Variants in PPP2CB observed in about 807,000 individuals in gnomAD.
The protein encoded by PPP2CB is serine/threonine-protein phosphatase 2A catalytic subunit beta isoform.
In PPP2CB, 18 loss-of-function variants were observed where a neutral mutation model predicts 39.1. The observed-to-expected ratio is 0.46, with a 90% CI of 0.32 to 0.68. PPP2CB has a LOEUF of 0.68. Ranked by LOEUF, PPP2CB falls within the 30% of genes least tolerant of loss-of-function variation. The pLI is 0.04. For synonymous variants in PPP2CB, 129 were observed against 133.8 expected (o/e 0.96, Z 0.25); for missense variants, 226 against 396.9 (o/e 0.57, Z 3.66).
chr8:30,790,977 G>T, intron 6 of PPP2CB: 2 of 418,132 alleles, frequency 4.8e-6, no homozygotes, highest in Non-Finnish European at 4.2e-6. Context: ...AGGTTTTCTT[G>T]AATTAACTGT....
chr8:30,812,469 C>A lies in PPP2CB; in HGVS notation c.-48G>T. On this transcript the variant is annotated 5_prime_UTR_variant, in exon 1 of 7. Coordinates refer to ENST00000221138, the MANE Select transcript of PPP2CB (RefSeq NM_001009552.2). ...TCCCGAGCCCCAGCCCGGCCGCCGCCCTCCCCCCTCCCCACCCGCCCCCGG... is the reference window on the plus strand; with the variant it reads ...TCCCGAGCCCCAGCCCGGCCGCCGCACTCCCCCCTCCCCACCCGCCCCCGG... The A allele has an allele frequency of 7.4e-7, 1 of 1,350,302 alleles. No homozygotes were observed. The highest frequency in any genetic ancestry group is 9.8e-7 in the Non-Finnish European group (1 of 1,016,278). The allele number at this position is 1,350,302 out of a possible 1,614,324, so 83.6% of individuals were successfully genotyped here. A position where few individuals can be genotyped will look rare whatever the true frequency, so the allele number is the denominator to read the frequency against.
intron 1 of PPP2CB, among the ~76,000 whole-genome samples, chr8:30,809,404 C>A (rs1222160363): frequency 6.6e-6 from 1 of 151,928 alleles, no homozygotes; most frequent in Non-Finnish European, 1.5e-5. Context: ...TAAAACGGAA[C>A]TAGAAACTAA....
intron 6 of PPP2CB, among the ~76,000 whole-genome samples, chr8:30,787,186 T>C (rs2128759901): frequency 6.6e-6 from 1 of 152,352 alleles, no homozygotes; most frequent in East Asian, 1.9e-4. Context: ...CTGGTACGTA[T>C]GTTGGAAAAT....
chr8:30,792,633 T>TTA (rs1487508156), intron 5 of PPP2CB, among the ~76,000 whole-genome samples: 5 of 150,718 alleles, frequency 3.3e-5, no homozygotes, highest in Non-Finnish European at 5.9e-5. Flanking sequence ...TTTTTTTTTT[T>TTA]TATATAGAGA....
At chr8:30,808,148 T>C (rs1416366865) in intron 1 of PPP2CB, among the ~76,000 whole-genome samples, 2 of 152,176 alleles carry the variant, frequency 1.3e-5, no homozygotes, top group Non-Finnish European at 2.9e-5. Context: ...TCGCCCAGGC[T>C]GGAATGCAGT....
At chr8:30,796,444 G>A (rs36037135) in intron 3 of PPP2CB, among the ~76,000 whole-genome samples, 1 of 152,076 alleles carries the variant, frequency 6.6e-6, no homozygotes, top group Non-Finnish European at 1.5e-5. Context: ...GCCGTGATAC[G>A]ATCTTGGCTC....
intron 6 of PPP2CB, among the ~76,000 whole-genome samples, chr8:30,787,307 T>C (rs913154517): frequency 6.6e-6 from 1 of 152,244 alleles, no homozygotes; most frequent in African/African-American, 2.4e-5. Context: ...CCTCCTCTTC[T>C]GTTTTTTGGA....
At chr8:30,791,010 T>G in intron 6 of PPP2CB, 187 bp downstream of exon 6, 1 of 511,428 alleles carries the variant, frequency 2.0e-6, no homozygotes, top group Non-Finnish European at 3.4e-6. Context: ...TGTATGCCCT[T>G]AGGACAATTT....
intron 6 of PPP2CB, among the ~76,000 whole-genome samples, chr8:30,789,693 TTCAG>T (rs1311871042): frequency 1.3e-5 from 2 of 151,766 alleles, no homozygotes; most frequent in Admixed American, 1.3e-4. Flanking sequence ...CTGAATGTCG[TTCAG>T]TCAATGATGA....
rs1806862090 is a variant in PPP2CB, at chr8:30,812,610, C to A, written c.-189G>T. ...CCGCGCCCCGCCCAAGCCCAGCAGG[C>A]GGCTCCGAGCGCGCAGCCTGGAGGA... On this transcript the variant is annotated 5_prime_UTR_variant, in exon 1 of 7. Transcript: ENST00000221138. 5.9e-6 allele frequency: 2 copies of A among 340,594 alleles called. No homozygotes were observed. The highest frequency in any genetic ancestry group is 1.7e-4 in the South Asian group (2 of 12,100). 21.1% of individuals were successfully genotyped at this position (340,594 alleles called of 1,614,324 possible).
At chr8:30,802,383 T>G (rs1408026181) in intron 1 of PPP2CB, among the ~76,000 whole-genome samples, 1 of 152,070 alleles carries the variant, frequency 6.6e-6, no homozygotes, top group South Asian at 2.1e-4. Flanking sequence ...CTGAGGAGAT[T>G]ATATACAGAA....
chr8:30,802,282 T>A (rs1806639632), intron 1 of PPP2CB, among the ~76,000 whole-genome samples: 1 of 152,194 alleles, frequency 6.6e-6, no homozygotes, highest in South Asian at 2.1e-4. Flanking sequence ...AACAATAATT[T>A]TACCAGAAGC....
At chr8:30,809,240 A>T (rs1030857103) in intron 1 of PPP2CB, among the ~76,000 whole-genome samples, 5 of 151,824 alleles carry the variant, frequency 3.3e-5, no homozygotes. Flanking sequence ...AGCACTCACA[A>T]CCAACCCGGG....
At chr8:30,807,978 C>T (rs796551960) in intron 1 of PPP2CB, among the ~76,000 whole-genome samples, 9 of 152,232 alleles carry the variant, frequency 5.9e-5, no homozygotes, top group African/African-American at 2.2e-4. Flanking sequence ...ACACACCATA[C>T]CATTCATACT....
At chr8:30,803,001 G>A (rs906504349) in intron 1 of PPP2CB, among the ~76,000 whole-genome samples, 1 of 152,156 alleles carries the variant, frequency 6.6e-6, no homozygotes, top group Non-Finnish European at 1.5e-5. Context: ...GTGACATAAA[G>A]AAGTGAAAAT....
At chr8:30,791,956 ATATG>A (rs1409805516) in intron 5 of PPP2CB, among the ~76,000 whole-genome samples, 1 of 139,606 alleles carries the variant, frequency 7.2e-6, no homozygotes, top group African/African-American at 3.1e-5. Context: ...GTGTGCGCAT[ATATG>A]TATACGTGTG....
chr8:30,802,667 A>G (rs1806647030), intron 1 of PPP2CB, among the ~76,000 whole-genome samples: 1 of 152,204 alleles, frequency 6.6e-6, no homozygotes. Context: ...TTTAAAAAAC[A>G]AATTCTGTAT....
At position 30,806,858 on chromosome 8, in the gene PPP2CB, G is replaced by T. The variant is rs1380159761; in HGVS notation, c.102+5462C>A. ...AAATATCTTCACTTTATCTACTTAG[G>T]TAAATATCTTATGGCAAGGGTATAT... On this transcript the variant is annotated intron_variant, in intron 1 of 6. Transcript: ENST00000221138. 2.6e-5 allele frequency among the ~76,000 whole-genome samples: 4 copies of T among 152,088 alleles called. No individual in the cohort carries two copies. The East Asian group carries it at 7.7e-4, about 29-fold the overall frequency.
chr8:30,787,249 T>C (rs1254088496), intron 6 of PPP2CB, among the ~76,000 whole-genome samples: 3 of 152,238 alleles, frequency 2.0e-5, no homozygotes, highest in Admixed American at 1.3e-4. Flanking sequence ...TTGTCTACTT[T>C]TGGTATCAAG....
Sources: gnomAD v4.1 joint callset for allele counts (sites outside exome capture counted in the v4.1 genomes callset) on GRCh38, gnomAD v4.1.1 for gene constraint, MANE v1.5 for transcripts, NCBI Gene and HGNC (gene_info 2026-07-23, HGNC 2026-07-21) for gene names.